Variants in HAUS2 observed in about 807,000 individuals in gnomAD.
The protein encoded by HAUS2 is HAUS augmin like complex subunit 2.
HAUS2 carries 20 observed loss-of-function variants against 21.6 expected under a neutral mutation model. The observed-to-expected ratio is 0.93, with a 90% confidence interval of 0.65 to 1.35. The LOEUF (loss-of-function observed/expected upper bound fraction) is 1.35. Ranked by LOEUF, HAUS2 falls within the 40% of genes most tolerant of loss-of-function variation. The pLI, the probability that HAUS2 is intolerant of heterozygous loss-of-function variation, is 0.00. For synonymous variants in HAUS2, 113 were observed against 95.6 expected, an observed-to-expected ratio of 1.18 and a Z score of -1.06; for missense variants, 297 against 280.7, an observed-to-expected ratio of 1.06 and a Z score of -0.42.
chr15:42,559,934 G>A (rs552636236), intron 3 of HAUS2, among the ~76,000 whole-genome samples: 1 of 152,252 alleles, frequency 6.6e-6, no homozygotes, highest in Admixed American at 6.5e-5. Flanking sequence ...CAAGGTGGGT[G>A]GATTGCTTGA....
chr15:42,566,517 TCATGTGTTA>T, intron 5 of HAUS2, 81 bp from the exon 6 acceptor site: 1 of 746,776 alleles, frequency 1.3e-6, no homozygotes, highest in Non-Finnish European at 2.3e-6. Context: ...TGGAAAAAGA[TCATGTGTTA>T]ACCTTTGGTA....
chr15:42,557,367 T>A (rs371130417), intron 1 of HAUS2, among the ~76,000 whole-genome samples: 1 of 16,070 alleles, frequency 6.2e-5, no homozygotes, highest in Non-Finnish European at 1.7e-4. Flanking sequence ...ATATATTTTA[T>A]ATATATTATA....
chr15:42,563,053 C>T (rs925227347), intron 4 of HAUS2, among the ~76,000 whole-genome samples: 2 of 150,914 alleles, frequency 1.3e-5, no homozygotes, highest in African/African-American at 4.9e-5. Context: ...GCAGAGATTA[C>T]AGTGAGCCGA....
intron 2 of HAUS2, 24 bp downstream of exon 2, chr15:42,558,314 CTTTT>C (rs547363768): frequency 6.4e-3 from 2,401 of 373,082 alleles, no homozygotes; most frequent in East Asian, 0.013. Context: ...TTTTCACTTT[CTTTT>C]TTTTTTTTTT....
intron 4 of HAUS2, among the ~76,000 whole-genome samples, chr15:42,562,015 A>C (rs1490033816): frequency 1.3e-5 from 2 of 148,664 alleles, no homozygotes; most frequent in African/African-American, 4.9e-5. Flanking sequence ...TGTTTCTACA[A>C]AAAAAAAAAA....
intron 5 of HAUS2, 83 bp downstream of exon 5, chr15:42,563,940 A>C: frequency 1.4e-6 from 1 of 733,648 alleles, no homozygotes; most frequent in Non-Finnish European, 2.4e-6. Context: ...TTTAATAGCT[A>C]ATATTACGAG....
In HAUS2 at chr15:42,566,679, C is replaced by T. The variant is rs756377743; in HGVS notation, c.571C>T (p.Arg191Cys). 2.4e-5 allele frequency: 39 copies of T among 1,602,870 alleles called. No individual in the cohort carries two copies. The highest frequency in any genetic ancestry group is 9.9e-5 in the South Asian group (9 of 90,882). The change falls in exon 6 of 6, where the codon CGT becomes TGT. Residue 191 changes from arginine (R) to cysteine (C), a missense_variant. Arg to Cys is a radical substitution (Grantham distance 180, BLOSUM62 -3). Coordinates refer to ENST00000260372, the MANE Select transcript of HAUS2 (RefSeq NM_018097.3). ...EELAENILKW[R>C]KQQNEVSSCI... is the part of the protein sequence containing the mutation. ...ACTGGCAGAGAATATACTCAAGTGGCGTAAACAACAAAACGAAGTTTCGTC... is the reference window on the plus strand; with the variant it reads ...ACTGGCAGAGAATATACTCAAGTGGTGTAAACAACAAAACGAAGTTTCGTC...
intron 5 of HAUS2, among the ~76,000 whole-genome samples, chr15:42,565,635 C>T (rs2057898468): frequency 6.6e-6 from 1 of 152,116 alleles, no homozygotes; most frequent in African/African-American, 2.4e-5. Context: ...TACGTTTTAA[C>T]AAGTTCCTCA....
chr15:42,565,342 C>T (rs1010386278), intron 5 of HAUS2, among the ~76,000 whole-genome samples: 1 of 151,074 alleles, frequency 6.6e-6, no homozygotes, highest in Non-Finnish European at 1.5e-5. Context: ...AAAAACCAGA[C>T]TAATAACCTT....
At chr15:42,553,775 G>C (rs2057747603) in intron 1 of HAUS2, among the ~76,000 whole-genome samples, 2 of 152,134 alleles carry the variant, frequency 1.3e-5, no homozygotes, top group Admixed American at 1.3e-4. Flanking sequence ...CATGGAGAGA[G>C]GGAGATATAC....
intron 1 of HAUS2, among the ~76,000 whole-genome samples, chr15:42,557,511 TATTA>T (rs1269343588): frequency 7.2e-6 from 1 of 138,768 alleles, no homozygotes; most frequent in Non-Finnish European, 1.5e-5. Context: ...ATAATGTATA[TATTA>T]TATATATATG....
rs1476583220 is a variant in HAUS2, at chr15:42,569,765, A to T, written c.*2949A>T. On this transcript the variant is annotated 3_prime_UTR_variant, in exon 6 of 6. Transcript: ENST00000260372. ...CTAGTAGGATAAGAGTGATCGTAATATCTCGAACATTACATAGACACTTAA... is the reference window on the plus strand; with the variant it reads ...CTAGTAGGATAAGAGTGATCGTAATTTCTCGAACATTACATAGACACTTAA... 2 of 152,230 alleles carry T rather than the reference A, an allele frequency of 1.3e-5. No homozygotes were observed. Among genetic ancestry groups the T allele is most frequent in the Non-Finnish European group, 1.5e-5 (1 of 68,034 alleles). The allele number at this position is 152,230 out of a possible 1,614,324, so 9.4% of individuals were successfully genotyped here. A position where few individuals can be genotyped will look rare whatever the true frequency, so the allele number is the denominator to read the frequency against.
chr15:42,560,817 G>C (rs2057843185), intron 3 of HAUS2: 1 of 701,842 alleles, frequency 1.4e-6, no homozygotes. Context: ...GGCTGGTCTC[G>C]AACTCATGGC....
rs777526138 is a variant in HAUS2 at position 42,559,290 on chromosome 15, C to T, written c.187-49C>T. 3 of 1,095,144 alleles carry T rather than the reference C, an allele frequency of 2.7e-6. No homozygotes were observed. The South Asian group carries it at 3.7e-5, about 14-fold the overall frequency. The allele number at this position is 1,095,144 out of a possible 1,614,324, so 67.8% of individuals were successfully genotyped here. ...ACAGGAGTGAGCCACCGCACCTGGCCATGGACACTTTCTGATTGAGCTAAA... is the reference window on the plus strand; with the variant it reads ...ACAGGAGTGAGCCACCGCACCTGGCTATGGACACTTTCTGATTGAGCTAAA... On this transcript the variant is annotated intron_variant, in intron 2 of 5. Transcript: ENST00000260372.
At chr15:42,551,246 C>T (rs1217666130) in intron 1 of HAUS2, among the ~76,000 whole-genome samples, 1 of 152,018 alleles carries the variant, frequency 6.6e-6, no homozygotes, top group Non-Finnish European at 1.5e-5. Context: ...TCTCGGCCTC[C>T]CAAAGTACTG....
chr15:42,568,482 C>T lies in HAUS2; in HGVS notation c.*1666C>T, dbSNP rs930431701. 3 of 152,240 alleles carry T rather than the reference C, an allele frequency of 2.0e-5. No individual in the cohort carries two copies. The highest frequency in any genetic ancestry group is 4.1e-4 in the South Asian group (2 of 4,836). 9.4% of individuals were successfully genotyped at this position (152,240 alleles called of 1,614,324 possible). On this transcript the variant is annotated 3_prime_UTR_variant, in exon 6 of 6. Transcript: ENST00000260372. ...GGGCAAAGCCCTCCTTACCTAATTA[C>T]TTTTTAAAGGTCTCATAACACTTTT...
chr15:42,555,973 G>A (rs557209192), intron 1 of HAUS2, among the ~76,000 whole-genome samples: 1 of 152,184 alleles, frequency 6.6e-6, no homozygotes, highest in South Asian at 2.1e-4. Context: ...TTAAGACGGA[G>A]TTTCGCTCTG....
chr15:42,562,673 A>G (rs1276184375), intron 4 of HAUS2, among the ~76,000 whole-genome samples: 1 of 152,258 alleles, frequency 6.6e-6, no homozygotes, highest in Non-Finnish European at 1.5e-5. Flanking sequence ...TAATGTATAT[A>G]TTGTACTACA....
chr15:42,564,261 C>T (rs1440688253), intron 5 of HAUS2, among the ~76,000 whole-genome samples: 1 of 143,418 alleles, frequency 7.0e-6, no homozygotes, highest in Non-Finnish European at 1.5e-5. Context: ...AAGACTCCAT[C>T]TCCCATTAAA....
Sources: allele counts gnomAD v4.1 joint callset (sites outside exome capture counted in the v4.1 genomes callset), GRCh38; gene constraint gnomAD v4.1.1; transcripts MANE v1.5; gene names NCBI Gene and HGNC (gene_info 2026-07-23, HGNC 2026-07-21).